The following DCLK1 variants were observed in gnomAD, a reference collection of about 807,000 sequenced individuals.
DCLK1 encodes doublecortin like kinase 1.
DCLK1 carries 16 observed loss-of-function variants against 86.2 expected under a neutral mutation model. That is an observed-to-expected ratio of 0.19 (90% CI 0.13 to 0.28). DCLK1 has a LOEUF of 0.28. Ranked by LOEUF, DCLK1 falls within the 10% of genes least tolerant of loss-of-function variation. The pLI is 1.00. For missense variants in DCLK1, 590 were observed against 940.2 expected, an observed-to-expected ratio of 0.63 and a Z score of 4.87; for synonymous variants, 369 against 370.5, an observed-to-expected ratio of 1.00 and a Z score of 0.05.
At chr13:35,937,214 C>G (rs1279809544) in intron 4 of DCLK1, among the ~76,000 whole-genome samples, 1 of 151,686 alleles carries the variant, frequency 6.6e-6, no homozygotes, top group Non-Finnish European at 1.5e-5. Context: ...ACCTCATGAT[C>G]CGCCCGCCTC....
intron 3 of DCLK1, among the ~76,000 whole-genome samples, chr13:36,110,930 A>G (rs1315566267): frequency 6.8e-6 from 1 of 146,444 alleles, no homozygotes; most frequent in Non-Finnish European, 1.5e-5. Context: ...TCCCGGGTTC[A>G]CGCCATTCTC....
At chr13:36,043,826 C>G (rs1292572184) in intron 3 of DCLK1, among the ~76,000 whole-genome samples, 4 of 152,152 alleles carry the variant, frequency 2.6e-5, no homozygotes, top group African/African-American at 7.2e-5. Flanking sequence ...AACAAGTTCT[C>G]ACAATTTTTA....
chr13:36,105,981 G>T (rs556658604), intron 3 of DCLK1, among the ~76,000 whole-genome samples: 1 of 152,332 alleles, frequency 6.6e-6, no homozygotes, highest in East Asian at 1.9e-4. Context: ...AAAGCCAGTA[G>T]ACTTGTAAAC....
At chr13:36,110,339 G>A (rs1301346116) in intron 3 of DCLK1, among the ~76,000 whole-genome samples, 1 of 152,080 alleles carries the variant, frequency 6.6e-6, no homozygotes, top group Non-Finnish European at 1.5e-5. Flanking sequence ...AAATATAGAA[G>A]ACTAAGTCTC....
At chr13:35,874,574 T>G (rs1178214589) in intron 4 of DCLK1, among the ~76,000 whole-genome samples, 1 of 152,146 alleles carries the variant, frequency 6.6e-6, no homozygotes, top group African/African-American at 2.4e-5. Context: ...CTGTCACTGT[T>G]CTGGCCTGCC....
At chr13:35,869,473 T>C (rs1302674463) in intron 5 of DCLK1, among the ~76,000 whole-genome samples, 1 of 152,200 alleles carries the variant, frequency 6.6e-6, no homozygotes, top group Admixed American at 6.5e-5. Context: ...AAAGGTCTGC[T>C]CTTGGATTGC....
intron 3 of DCLK1, among the ~76,000 whole-genome samples, chr13:36,024,518 TTAAC>T (rs1881951849): frequency 6.6e-6 from 1 of 152,040 alleles, no homozygotes; most frequent in Non-Finnish European, 1.5e-5. Context: ...AGAAATAAAT[TTAAC>T]TAAAGAAGGA....
intron 15 of DCLK1, among the ~76,000 whole-genome samples, chr13:35,797,812 A>G (rs1395679050): frequency 6.6e-6 from 1 of 152,178 alleles, no homozygotes; most frequent in African/African-American, 2.4e-5. Flanking sequence ...CAGATGGATG[A>G]TAGAGATTTA....
chr13:35,887,820 T>A lies in DCLK1; in HGVS notation c.824-16480A>T, dbSNP rs1005176064. 5.7e-5 allele frequency among the ~76,000 whole-genome samples: 7 copies of A among 123,834 alleles called. No individual in the cohort carries two copies. The South Asian group carries it at 1.8e-3, about 33-fold the overall frequency. 81.2% of individuals were successfully genotyped at this position (123,834 alleles called of 152,430 possible). A position where few individuals can be genotyped will look rare whatever the true frequency, so the allele number is the denominator to read the frequency against. On this transcript the variant is annotated intron_variant, in intron 4 of 16. Transcript: ENST00000360631. ...GTCTCAGCTACTCAGGAGACTGAGGTGGGAGGATCTCTTGTGCCCAGGAAT... is the reference window on the plus strand; with the variant it reads ...GTCTCAGCTACTCAGGAGACTGAGGAGGGAGGATCTCTTGTGCCCAGGAAT...
intron 4 of DCLK1, among the ~76,000 whole-genome samples, chr13:35,909,706 G>A (rs574622655): frequency 4.6e-5 from 7 of 151,600 alleles, no homozygotes; most frequent in Non-Finnish European, 7.4e-5. Context: ...CATGTGGCAG[G>A]GTTTTTAAAG....
intron 4 of DCLK1, among the ~76,000 whole-genome samples, chr13:35,893,371 A>T (rs1873759513): frequency 6.6e-6 from 1 of 152,208 alleles, no homozygotes; most frequent in Non-Finnish European, 1.5e-5. Flanking sequence ...TCTATCCTTA[A>T]AGAACAAAGG....
At chr13:35,786,867 C>T (rs2086632419) in intron 16 of DCLK1, among the ~76,000 whole-genome samples, 1 of 152,076 alleles carries the variant, frequency 6.6e-6, no homozygotes, top group Non-Finnish European at 1.5e-5. Context: ...ATGGAGAAGA[C>T]ACAAATAGCC....
chr13:35,844,188 G>A (rs1870012726), intron 6 of DCLK1, among the ~76,000 whole-genome samples: 1 of 152,104 alleles, frequency 6.6e-6, no homozygotes, highest in Non-Finnish European at 1.5e-5. Flanking sequence ...ATAAGCATGA[G>A]CATAAGTAAG....
intron 4 of DCLK1, among the ~76,000 whole-genome samples, chr13:35,912,778 A>G (rs1875122842): frequency 6.6e-6 from 1 of 152,212 alleles, no homozygotes; most frequent in South Asian, 2.1e-4. Flanking sequence ...TCACTGGCAG[A>G]GGGCAGCTGT....
chr13:35,911,099 C>T (rs1325834217), intron 4 of DCLK1, among the ~76,000 whole-genome samples: 175 of 136,026 alleles, frequency 1.3e-3, no homozygotes, highest in Middle Eastern at 8.5e-3. Context: ...CTGGCTAACA[C>T]GGTGAAACCC....
chr13:35,888,166 A>G, intron 4 of DCLK1, among the ~76,000 whole-genome samples: 1 of 152,020 alleles, frequency 6.6e-6, no homozygotes, highest in Non-Finnish European at 1.5e-5. Context: ...CCTGTTTCTC[A>G]TGTTCTCTAA....
chr13:36,002,833 T>C (rs1183495634), intron 3 of DCLK1, among the ~76,000 whole-genome samples: 1 of 152,226 alleles, frequency 6.6e-6, no homozygotes. Context: ...TAATAAATTA[T>C]AAATTCCGAA....
At chr13:35,875,912 C>T (rs1872561843) in intron 4 of DCLK1, among the ~76,000 whole-genome samples, 2 of 152,250 alleles carry the variant, frequency 1.3e-5, no homozygotes, top group African/African-American at 4.8e-5. Context: ...AAATGACTTG[C>T]ATCAGAACCC....
At chr13:36,068,506 G>A (rs546158454) in intron 3 of DCLK1, among the ~76,000 whole-genome samples, 2 of 152,022 alleles carry the variant, frequency 1.3e-5, no homozygotes, top group South Asian at 4.1e-4. Flanking sequence ...TAAATCCTTA[G>A]ATTTAACAAA....
Sources: gnomAD v4.1 joint callset for allele counts (sites outside exome capture counted in the v4.1 genomes callset) on GRCh38, gnomAD v4.1.1 for gene constraint, MANE v1.5 for transcripts, NCBI Gene and HGNC (gene_info 2026-07-23, HGNC 2026-07-21) for gene names.